The following HIP1R variants were observed in gnomAD, a reference collection of about 807,000 sequenced individuals.
The protein encoded by HIP1R is huntingtin interacting protein 1 related, also known as huntingtin-interacting protein 1-related protein.
A neutral mutation model predicts 144.2 loss-of-function variants in HIP1R; 135 were observed. That is an observed-to-expected ratio of 0.94 (90% CI 0.81 to 1.08). The LOEUF (loss-of-function observed/expected upper bound fraction) is 1.08, where lower values mean the gene tolerates loss of function less well. Among genes scored for constraint, HIP1R ranks in the 50% least tolerant of loss-of-function variants. HIP1R has a pLI of 0.00. For synonymous variants in HIP1R, 698 were observed against 612.8 expected, an observed-to-expected ratio of 1.14 and a Z score of -2.05; for missense variants, 1,462 against 1,432.8, an observed-to-expected ratio of 1.02 and a Z score of -0.33.
intron 24 of HIP1R, 42 bp downstream of exon 24, chr12:122,859,872 C>A (rs756656753): frequency 2.5e-6 from 4 of 1,584,238 alleles, no homozygotes; most frequent in Non-Finnish European, 3.5e-6. Context: ...CCGAGGTGGG[C>A]TCCCCGTGGC....
chr12:122,859,619 AC>A, intron 23 of HIP1R, 83 bp downstream of exon 23: 1 of 1,353,560 alleles, frequency 7.4e-7, no homozygotes, highest in Non-Finnish European at 1.0e-6. Flanking sequence ...TACAGGCTGC[AC>A]CCACTCCTGC....
chr12:122,854,294 C>A, intron 8 of HIP1R, 111 bp downstream of exon 8: 5 of 718,066 alleles, frequency 7.0e-6, no homozygotes, highest in Non-Finnish European at 1.0e-5. Flanking sequence ...TTAAAAATGG[C>A]AGTAATAAAC....
chr12:122,860,998 T>A lies in HIP1R; in HGVS notation c.2849T>A (p.Val950Glu). 1 of 1,613,592 alleles carries A rather than the reference T, an allele frequency of 6.2e-7. No homozygotes were observed. The highest frequency in any genetic ancestry group is 8.5e-7 in the Non-Finnish European group (1 of 1,179,986). ...RTVNERAANV[V>E]ASTKSGQEQI... ...GTCAATGAGAGGGCTGCCAATGTGGTGGCCTCCACCAAGTCAGGCCAGGAG... is the reference window on the plus strand; with the variant it reads ...GTCAATGAGAGGGCTGCCAATGTGGAGGCCTCCACCAAGTCAGGCCAGGAG... Residue 950 changes from valine to glutamate, a missense_variant, in exon 29 of 32, where the codon GTG (valine) becomes GAG (glutamate). Transcript: ENST00000253083.
Position 122,857,038 on chromosome 12 carries a change from C to T in HIP1R, c.1638C>T (p.Ser546=), listed in dbSNP as rs754276541. 2.6e-6 allele frequency: 4 copies of T among 1,549,826 alleles called. No homozygotes were observed. The highest frequency in any genetic ancestry group is 1.7e-6 in the Non-Finnish European group (2 of 1,147,376). Residue 546 remains serine, a synonymous_variant, in exon 18 of 32, where the codon AGC becomes AGT. Transcript: ENST00000253083. The part of the protein sequence containing the change: ...SHTEQSKSEL[S]SRLDTLSAEK... ...GTCCACAGAGCAAGTCGGAGCTGAG[C>T]TCACGGCTGGACACGCTGAGTGCGG...
At position 122,855,911 on chromosome 12, in the gene HIP1R, G is replaced by T. The variant is rs752461039; in HGVS notation, c.1128+8G>T. 2.6e-6 allele frequency: 4 copies of T among 1,561,876 alleles called. No homozygotes were observed. Among genetic ancestry groups the T allele is most frequent in the Non-Finnish European group, 3.5e-6 (4 of 1,152,642 alleles). On this transcript the variant is annotated splice_region_variant and intron_variant, in intron 13 of 31. Transcript: ENST00000253083. ...GAGAAGATCAAGCTGGAGGTGCGGG[G>T]TGGGGATGGGTGGGGGCCAGGGCCC...
At chr12:122,848,717 T>C (rs1485016658) in intron 3 of HIP1R, 79 bp from the exon 4 acceptor site, 1 of 1,597,314 alleles carries the variant, frequency 6.3e-7, no homozygotes, top group Non-Finnish European at 8.6e-7. Flanking sequence ...TCCTCCCGCC[T>C]CGGGTGGGGA....
intron 29 of HIP1R, 45 bp from the exon 30 acceptor site, chr12:122,861,086 G>A (rs777969621): frequency 2.4e-5 from 38 of 1,613,436 alleles, no homozygotes; most frequent in Non-Finnish European, 3.1e-5. Flanking sequence ...GAGGCTGAAT[G>A]GGGGTGGGTG....
chr12:122,845,856 G>A (rs947942539), intron 1 of HIP1R, among the ~76,000 whole-genome samples: 2 of 152,160 alleles, frequency 1.3e-5, no homozygotes, highest in African/African-American at 4.8e-5. Flanking sequence ...CTGCACCTTG[G>A]CCTCACTGTG....
Position 122,857,067 on chromosome 12 carries a change from A to C in HIP1R, c.1667A>C (p.Lys556Thr). 6.4e-7 allele frequency: 1 copy of C among 1,551,550 alleles called. No homozygotes were observed. The change falls in exon 18 of 32, where the codon AAG (lysine) becomes ACG (threonine). Residue 556 changes from lysine (K) to threonine (T), a missense_variant. Coordinates refer to ENST00000253083, the MANE Select transcript of HIP1R (RefSeq NM_003959.3). ...CGGCTGGACACGCTGAGTGCGGAGA[A>C]GGATGCTCTGAGTGGAGCTGTGCGG... is the stretch of plus-strand genomic sequence containing the variant. Reference protein sequence around the residue: ...SSRLDTLSAEKDALSGAVRQR... With the variant: ...SSRLDTLSAETDALSGAVRQR...
chr12:122,853,883 AC>A, intron 7 of HIP1R, 159 bp from the exon 8 acceptor site: 1 of 768,388 alleles, frequency 1.3e-6, no homozygotes, highest in East Asian at 2.8e-5. Context: ...TCTGGTCTTG[AC>A]CTGGGGCAGC....
rs1162875868 is a variant in HIP1R, at chr12:122,855,909, GGGTGGGGAT to G, written c.1128+9_1128+17del. On this transcript the variant is annotated splice_region_variant and intron_variant, in intron 13 of 31. Transcript: ENST00000253083. ...TGGAGAAGATCAAGCTGGAGGTGCGGGGTGGGGATGGGTGGGGGCCAGGGCCCCTCACGG... is the reference window on the plus strand; with the variant it reads ...TGGAGAAGATCAAGCTGGAGGTGCGGGGGTGGGGGCCAGGGCCCCTCACGG... 1.9e-6 allele frequency: 3 copies of G among 1,561,384 alleles called. No homozygotes were observed. Among genetic ancestry groups the G allele is most frequent in the African/African-American group, 1.4e-5 (1 of 73,748 alleles).
At position 122,844,090 on chromosome 12, in the gene HIP1R, C is replaced by T. The variant is rs897547010; in HGVS notation, c.94-3941C>T. 5.3e-5 allele frequency among the ~76,000 whole-genome samples: 8 copies of T among 152,260 alleles called. No individual in the cohort carries two copies. In the South Asian group the frequency reaches 8.3e-4, roughly 16 times the overall value. On this transcript the variant is annotated intron_variant, in intron 1 of 31. Coordinates refer to ENST00000253083, the MANE Select transcript of HIP1R (RefSeq NM_003959.3). ...CTGACCTCAAGTGATCCACCTGCCT[C>T]GGTCTCCCAAAGTGCTGGGATTACA... is the stretch of plus-strand genomic sequence containing the variant.
intron 1 of HIP1R, among the ~76,000 whole-genome samples, chr12:122,838,938 CCTTT>C (rs2032981144): frequency 6.6e-6 from 1 of 152,206 alleles, no homozygotes; most frequent in Non-Finnish European, 1.5e-5. Context: ...GGAAACACAG[CCTTT>C]CTGACACTTT....
At position 122,854,099 on chromosome 12, in the gene HIP1R, C is replaced by T. The variant is rs758244444; in HGVS notation, c.634C>T (p.Arg212Cys). ...ATCCCAGATGTCCTCAGGCCAGTGC[C>T]GCCTGGCCCCCCTCATCCAGGTCAT... ...AVSQMSSGQCRLAPLIQVIQD... is the reference protein window; with the variant it reads ...AVSQMSSGQCCLAPLIQVIQD... The change falls in exon 8 of 32, where the codon CGC becomes TGC. Residue 212 changes from arginine (R) to cysteine (C), a missense_variant. Physicochemically the swap from Arg to Cys is radical, Grantham distance 180. Around this residue, in one of 2 missense-constraint regions of HIP1R, gnomAD observed 350 missense variants for 421.1 expected, o/e 0.83. Transcript: ENST00000253083. The T allele has an allele frequency of 9.9e-6, 16 of 1,613,744 alleles. No homozygotes were observed. The highest frequency in any genetic ancestry group is 1.6e-4 in the Middle Eastern group (1 of 6,082).
At position 122,856,127 on chromosome 12, in the gene HIP1R, G is replaced by A. The variant is rs945381209; in HGVS notation, c.1276G>A (p.Gly426Ser). ...CCAGCTGAGGGCTGCCCAGCTGGAG[G>A]GCGAGCGGAGCCAGGGCCTGCGTGA... Reference protein sequence around the residue: ...LAQLRAAQLEGERSQGLREEA... With the variant: ...LAQLRAAQLESERSQGLREEA... Residue 426 changes from glycine (G) to serine (S), a missense_variant, in exon 14 of 32, where the codon GGC becomes AGC. Gly to Ser is a moderately conservative substitution (Grantham distance 56, BLOSUM62 0). Coordinates refer to ENST00000253083, the MANE Select transcript of HIP1R (RefSeq NM_003959.3). 4 of 1,589,906 alleles carry A rather than the reference G, an allele frequency of 2.5e-6. No homozygotes were observed. The highest frequency in any genetic ancestry group is 1.8e-5 in the Admixed American group (1 of 55,244).
chr12:122,848,153 G>A, intron 2 of HIP1R, 59 bp downstream of exon 2: 4 of 1,562,026 alleles, frequency 2.6e-6, no homozygotes, highest in South Asian at 1.1e-5. Flanking sequence ...GCAGCGTAGT[G>A]CTGCAGGTGG....
rs567630260 is a variant in HIP1R at position 122,836,339 on chromosome 12, G to C, written c.93+696G>C. On this transcript the variant is annotated intron_variant, in intron 1 of 31. Transcript: ENST00000253083. This position sits in a 1 kb window ranked among gnomAD's most constrained non-coding sequence, Gnocchi z 4.1. ...CCTCATTAAATACCGGCGCCCGACA[G>C]ACAGAAACTTCCTGGGGCTCCCTTC... 2.1e-4 allele frequency among the ~76,000 whole-genome samples: 32 copies of C among 152,244 alleles called. No homozygotes were observed. Among genetic ancestry groups the C allele is most frequent in the African/African-American group, 7.7e-4 (32 of 41,536 alleles).
intron 18 of HIP1R, 143 bp downstream of exon 18, chr12:122,857,358 C>T: frequency 3.8e-6 from 3 of 785,598 alleles, no homozygotes; most frequent in Non-Finnish European, 6.3e-6. Flanking sequence ...GGCTTCTTCA[C>T]TCAGCATCAC....
rs1006418870 is a variant in HIP1R, at chr12:122,840,152, T to C, written c.93+4509T>C. On this transcript the variant is annotated intron_variant, in intron 1 of 31. Coordinates refer to ENST00000253083, the MANE Select transcript of HIP1R (RefSeq NM_003959.3). This position sits in a 1 kb window ranked among gnomAD's most constrained non-coding sequence, Gnocchi z 4.2. ...GACTTCCCGACCCCTGGGCTGCATA[T>C]TGCCTCCCTGGCAGAGCTATTCCAG... 6.6e-6 allele frequency among the ~76,000 whole-genome samples: 1 copy of C among 152,226 alleles called. No homozygotes were observed. Among genetic ancestry groups the C allele is most frequent in the East Asian group, 1.9e-4 (1 of 5,206 alleles).
Sources: allele counts gnomAD v4.1 joint callset (sites outside exome capture counted in the v4.1 genomes callset), GRCh38; gene constraint gnomAD v4.1.1; regional missense constraint gnomAD v4.1.1; non-coding constraint Gnocchi (gnomAD v3.1); transcripts MANE v1.5; gene names NCBI Gene and HGNC (gene_info 2026-07-23, HGNC 2026-07-21).